The following NRG3 variants were observed in gnomAD, a reference collection of about 807,000 sequenced individuals.
NRG3 encodes neuregulin 3, also known as pro-neuregulin-3, membrane-bound isoform.
Under a neutral mutation model 66.9 loss-of-function variants are expected in NRG3, and 31 were observed. The observed-to-expected ratio is 0.46, with a 90% CI of 0.35 to 0.63. The LOEUF (loss-of-function observed/expected upper bound fraction) is 0.63. Ranked by LOEUF, NRG3 falls within the 20% of genes least tolerant of loss-of-function variation. The probability of loss-of-function intolerance (pLI) is 0.00; values close to 1 mark genes in which losing one functional copy is unlikely to be tolerated. For missense variants in NRG3, 910 were observed against 878.9 expected (o/e 1.04, Z -0.45); for synonymous variants, 393 against 359.4 (o/e 1.09, Z -1.06).
chr10:82,498,756 G>T (rs1843851191), intron 2 of NRG3, among the ~76,000 whole-genome samples: 1 of 152,248 alleles, frequency 6.6e-6, no homozygotes, highest in East Asian at 1.9e-4. Context: ...ATTGCCTGTT[G>T]CCTGTCACTC....
chr10:82,708,422 A>G (rs1202050426), intron 2 of NRG3, among the ~76,000 whole-genome samples: 1 of 152,180 alleles, frequency 6.6e-6, no homozygotes, highest in Non-Finnish European at 1.5e-5. Flanking sequence ...AGTAATAAGC[A>G]TAGTACCCAA....
intron 1 of NRG3, among the ~76,000 whole-genome samples, chr10:82,080,057 G>A (rs182452112): frequency 2.0e-5 from 3 of 152,196 alleles, no homozygotes; most frequent in East Asian, 3.9e-4. Context: ...AGTCAGTACC[G>A]GGAGGTCTGC....
At chr10:82,409,322 A>G (rs768108759) in intron 2 of NRG3, among the ~76,000 whole-genome samples, 1 of 152,216 alleles carries the variant, frequency 6.6e-6, no homozygotes. Context: ...AGCAGTTGGA[A>G]GAAACCAATA....
chr10:82,608,848 A>G (rs536457778), intron 2 of NRG3, among the ~76,000 whole-genome samples: 2 of 152,266 alleles, frequency 1.3e-5, no homozygotes, highest in African/African-American at 2.4e-5. Flanking sequence ...ACACACAATT[A>G]GAAGCACCAA....
chr10:82,420,379 A>G lies in NRG3; in HGVS notation c.953+61511A>G, dbSNP rs1376100742. Among the ~76,000 whole-genome samples, 5 of 152,150 alleles carry G rather than the reference A, an allele frequency of 3.3e-5. No homozygotes were observed. In the East Asian group the frequency reaches 9.6e-4, roughly 29 times the overall value. The stretch of plus-strand genomic sequence containing the variant: ...TATAACTACATTTTAATGCTCATCA[A>G]TTTTTATCTTATACTGTATTTATCT... On this transcript the variant is annotated intron_variant, in intron 2 of 8. Coordinates refer to ENST00000372141, the MANE Select transcript of NRG3 (RefSeq NM_001010848.4).
intron 1 of NRG3, among the ~76,000 whole-genome samples, chr10:82,043,746 T>A (rs74749789): frequency 0.14 from 21,502 of 151,996 alleles, 1,994 homozygotes; most frequent in Non-Finnish European, 0.2. Flanking sequence ...CTTAACATAG[T>A]TAATAGGATC....
At chr10:81,913,175 TGG>T (rs1845338348) in intron 1 of NRG3, among the ~76,000 whole-genome samples, 1 of 134,504 alleles carries the variant, frequency 7.4e-6, no homozygotes, top group Non-Finnish European at 1.5e-5. Flanking sequence ...CACTCATTGA[TGG>T]AGTAACCAAG....
At chr10:82,158,292 T>C (rs948336538) in intron 1 of NRG3, among the ~76,000 whole-genome samples, 1 of 151,728 alleles carries the variant, frequency 6.6e-6, no homozygotes, top group Non-Finnish European at 1.5e-5. Flanking sequence ...GTTAAACAAG[T>C]GAATATTTTC....
At chr10:82,414,310 G>T (rs904934486) in intron 2 of NRG3, among the ~76,000 whole-genome samples, 8 of 152,220 alleles carry the variant, frequency 5.3e-5, no homozygotes, top group African/African-American at 1.9e-4. Flanking sequence ...GGGAATGGCT[G>T]GTTGGTGAAG....
At position 82,485,894 on chromosome 10, in the gene NRG3, A is replaced by G. The variant is rs142457317; in HGVS notation, c.953+127026A>G. Among the ~76,000 whole-genome samples, 766 of 152,264 alleles carry G rather than the reference A, an allele frequency of 5.0e-3. 2 individuals carry two copies. Among genetic ancestry groups the G allele is most frequent in the African/African-American group, 0.017 (726 of 41,552 alleles). On this transcript the variant is annotated intron_variant, in intron 2 of 8. Transcript: ENST00000372141. Reference sequence around the variant, plus strand: ...AGCAGGAGAAAATATTAACTGCTCTATATCTAATAAGGACTCAATATCTAA... The same window carrying G: ...AGCAGGAGAAAATATTAACTGCTCTGTATCTAATAAGGACTCAATATCTAA...
chr10:82,691,189 G>A (rs1224876299), intron 2 of NRG3, among the ~76,000 whole-genome samples: 2 of 152,104 alleles, frequency 1.3e-5, no homozygotes. Flanking sequence ...TGGGAAAGAA[G>A]CACAAATGTC....
chr10:82,214,469 AC>A (rs1167711010), intron 1 of NRG3, among the ~76,000 whole-genome samples: 2 of 150,184 alleles, frequency 1.3e-5, no homozygotes, highest in Non-Finnish European at 3.0e-5. Flanking sequence ...ATCTATTTCC[AC>A]CCCCCGCCCT....
intron 2 of NRG3, among the ~76,000 whole-genome samples, chr10:82,458,926 G>T (rs553906347): frequency 6.6e-6 from 1 of 152,158 alleles, no homozygotes; most frequent in Admixed American, 6.5e-5. Context: ...CAGCTGCATT[G>T]CCTCCACTGG....
At chr10:82,744,511 C>G (rs1197198584) in intron 3 of NRG3, among the ~76,000 whole-genome samples, 10 of 152,122 alleles carry the variant, frequency 6.6e-5, no homozygotes, top group Admixed American at 4.6e-4. Flanking sequence ...CTATCACCTC[C>G]CAAAGGCACT....
chr10:82,335,933 G>C (rs990648732), intron 1 of NRG3, among the ~76,000 whole-genome samples: 1 of 152,030 alleles, frequency 6.6e-6, no homozygotes, highest in Non-Finnish European at 1.5e-5. Context: ...TTGTGTAAGG[G>C]GTCAAATAAT....
intron 1 of NRG3, among the ~76,000 whole-genome samples, chr10:82,124,966 A>G (rs116394089): frequency 0.024 from 3,683 of 151,988 alleles, 93 homozygotes; most frequent in Middle Eastern, 0.076. Context: ...TCAAAATGCA[A>G]TATTTTTCTT....
chr10:82,344,212 G>T (rs4098233), intron 1 of NRG3, among the ~76,000 whole-genome samples: 2 of 146,726 alleles, frequency 1.4e-5, no homozygotes, highest in Admixed American at 6.7e-5. Flanking sequence ...ATCCCTCCCC[G>T]CTCCCCACAC....
chr10:82,367,822 A>T (rs2084640130), intron 2 of NRG3, among the ~76,000 whole-genome samples: 1 of 152,052 alleles, frequency 6.6e-6, no homozygotes, highest in African/African-American at 2.4e-5. Context: ...GGCAAAACCC[A>T]GTCTCCACTA....
intron 2 of NRG3, among the ~76,000 whole-genome samples, chr10:82,419,678 T>C (rs946861415): frequency 6.6e-6 from 1 of 152,196 alleles, no homozygotes; most frequent in Non-Finnish European, 1.5e-5. Flanking sequence ...TATATTCTTA[T>C]ATACATGTCT....
Sources: gnomAD v4.1 joint callset for allele counts (sites outside exome capture counted in the v4.1 genomes callset) on GRCh38, gnomAD v4.1.1 for gene constraint, MANE v1.5 for transcripts, NCBI Gene and HGNC (gene_info 2026-07-23, HGNC 2026-07-21) for gene names.